DNAH8: variants seen among roughly 807,000 people sequenced by gnomAD.
DNAH8 encodes the protein axonemal beta dynein heavy chain 8.
DNAH8 carries 382 observed loss-of-function variants against 562.1 expected under a neutral mutation model. The ratio of observed to expected loss-of-function variants is 0.68; its 90% CI spans 0.63 to 0.74. DNAH8 has a LOEUF of 0.74. Among genes scored for constraint, DNAH8 ranks in the 30% least tolerant of loss-of-function variants. The pLI is 0.00. For missense variants in DNAH8, 5,203 were observed against 5,620.4 expected, an observed-to-expected ratio of 0.93 and a Z score of 2.37; for synonymous variants, 1,881 against 1,919.4, an observed-to-expected ratio of 0.98 and a Z score of 0.52.
chr6:38,971,641 G>C lies in DNAH8; in HGVS notation c.12501G>C (p.Lys4167Asn). Residue 4167 changes from lysine (K) to asparagine (N), a missense_variant, in exon 83 of 93, where the codon AAG becomes AAC. Transcript: ENST00000327475. ...AAGGACAAGAAGTACATGCTCGAAA[G>C]CTGATTCAGATGTCAATGCAGCAGG... The part of the protein sequence containing the change: ...MGQGQEVHAR[K>N]LIQMSMQQGG... 2 of 1,603,776 alleles carry C rather than the reference G, an allele frequency of 1.2e-6. No homozygotes were observed. Among genetic ancestry groups the C allele is most frequent in the Non-Finnish European group, 1.7e-6 (2 of 1,175,642 alleles).
At chr6:39,025,778 T>C (rs1767234638) in intron 91 of DNAH8, among the ~76,000 whole-genome samples, 1 of 152,252 alleles carries the variant, frequency 6.6e-6, no homozygotes, top group Non-Finnish European at 1.5e-5. Context: ...ATTTTTAATA[T>C]TTACATGGAG....
chr6:38,966,364 G>A lies in DNAH8; in HGVS notation c.12452-5228G>A, dbSNP rs1762970324. ...CATTAATCAAAAAATTCACACAAAA[G>A]GAATCTTAGTCCCAGATGGCTTCAT... is the stretch of plus-strand genomic sequence containing the variant. On this transcript the variant is annotated intron_variant, in intron 82 of 92. Transcript: ENST00000327475. Among the ~76,000 whole-genome samples, 5 of 152,206 alleles carry A rather than the reference G, an allele frequency of 3.3e-5. 2 individuals carry two copies. The South Asian group carries it at 1.0e-3, about 32-fold the overall frequency.
At chr6:38,846,579 C>A (rs951833104) in intron 36 of DNAH8, among the ~76,000 whole-genome samples, 2 of 152,150 alleles carry the variant, frequency 1.3e-5, no homozygotes, top group African/African-American at 4.8e-5. Flanking sequence ...AGCTGCCAGT[C>A]CAGGGAGTTC....
In DNAH8 at chr6:38,775,845, A is replaced by G. The variant is rs754229085; in HGVS notation, c.1856A>G (p.Asn619Ser). The change falls in exon 13 of 93, where the codon AAT (asparagine) becomes AGT (serine). Residue 619 changes from asparagine to serine, a missense_variant. This residue lies in a region of DNAH8 where 2,176 missense variants were observed against 2,365.1 expected (regional missense o/e 0.92). Coordinates refer to ENST00000327475, the MANE Select transcript of DNAH8 (RefSeq NM_001206927.2). Reference sequence around the variant, plus strand: ...GATATTATGGCAATAAAATTCAGAAATATATACCAAGGGGTTAAGAAAAAG... The same window carrying G: ...GATATTATGGCAATAAAATTCAGAAGTATATACCAAGGGGTTAAGAAAAAG... ...GIDIMAIKFR[N>S]IYQGVKKKQY... 1.2e-6 allele frequency: 2 copies of G among 1,607,534 alleles called. No homozygotes were observed. Among genetic ancestry groups the G allele is most frequent in the African/African-American group, 1.3e-5 (1 of 74,884 alleles).
At position 38,756,024 on chromosome 6, in the gene DNAH8, A is replaced by G; in HGVS notation, c.1460A>G (p.His487Arg). 1 of 1,611,532 alleles carries G rather than the reference A, an allele frequency of 6.2e-7. No homozygotes were observed. The highest frequency in any genetic ancestry group is 8.5e-7 in the Non-Finnish European group (1 of 1,178,004). Residue 487 changes from histidine to arginine, a missense_variant, in exon 10 of 93, where the codon CAC (histidine) becomes CGC (arginine). Coordinates refer to ENST00000327475, the MANE Select transcript of DNAH8 (RefSeq NM_001206927.2). ...TTGATTAATGCCATCAGAATGATTC[A>G]CGGTGTGTCAAGGTATTATAATACC... ...QNLINAIRMI[H>R]GVSRYYNTSE...
At chr6:38,872,025 T>TGG (rs769204158) in intron 49 of DNAH8, among the ~76,000 whole-genome samples, 4 of 152,226 alleles carry the variant, frequency 2.6e-5, no homozygotes, top group Non-Finnish European at 5.9e-5. Flanking sequence ...CCTGCTTTCC[T>TGG]CTTCTCTTAC....
chr6:38,917,099 G>A (rs1387390377), intron 68 of DNAH8, 140 bp from the exon 69 acceptor site: 4 of 554,930 alleles, frequency 7.2e-6, no homozygotes, highest in Non-Finnish European at 1.2e-5. Context: ...CAATGAAAGA[G>A]CCACTAAGCA....
intron 86 of DNAH8, 62 bp downstream of exon 86, chr6:38,982,524 T>A: frequency 3.3e-6 from 3 of 901,474 alleles, no homozygotes; most frequent in Non-Finnish European, 5.5e-6. Flanking sequence ...GGTTCTACAG[T>A]CATTTGAAGT....
intron 91 of DNAH8, among the ~76,000 whole-genome samples, chr6:39,018,680 A>G (rs1022602901): frequency 3.9e-5 from 6 of 152,180 alleles, no homozygotes; most frequent in African/African-American, 7.2e-5. Context: ...CTTGTGCACC[A>G]TCCTCCAGGT....
intron 88 of DNAH8, among the ~76,000 whole-genome samples, chr6:39,001,254 T>C (rs1367446822): frequency 6.6e-6 from 1 of 151,962 alleles, no homozygotes; most frequent in African/African-American, 2.4e-5. Context: ...TCTGCTTGCA[T>C]GAGTTGATGG....
chr6:38,895,948 G>A (rs1779647704), intron 59 of DNAH8, 85 bp from the exon 60 acceptor site: 1 of 1,126,106 alleles, frequency 8.9e-7, no homozygotes, highest in Admixed American at 2.0e-5. Context: ...GGTCCAGGGT[G>A]GGGCTGAGAA....
chr6:38,811,693 G>A (rs1771808948), intron 24 of DNAH8, among the ~76,000 whole-genome samples: 1 of 152,020 alleles, frequency 6.6e-6, no homozygotes, highest in Non-Finnish European at 1.5e-5. Flanking sequence ...TTCGTTTTTG[G>A]ATTTCGTTAG....
In DNAH8 at chr6:38,873,038, A is replaced by G; in HGVS notation, c.7370A>G (p.Lys2457Arg). The G allele has an allele frequency of 6.2e-7, 1 of 1,614,150 alleles. No homozygotes were observed. Among genetic ancestry groups the G allele is most frequent in the Non-Finnish European group, 8.5e-7 (1 of 1,180,006 alleles). ...CGCATTCCCATGGCCCCTAGTTGTA[A>G]GCTTCTGTTTGAAGTCCACAATATC... The part of the protein sequence containing the change: ...GDRIPMAPSC[K>R]LLFEVHNIEN... Residue 2457 changes from lysine (K) to arginine (R), a missense_variant, in exon 51 of 93, where the codon AAG becomes AGG. By Grantham distance (26) the Lys-to-Arg change is conservative. Around this residue, in one of 6 missense-constraint regions of DNAH8, gnomAD observed 977 missense variants for 1,061.8 expected, o/e 0.92. Coordinates refer to ENST00000327475, the MANE Select transcript of DNAH8 (RefSeq NM_001206927.2).
chr6:38,715,942 ATATATATATATATATATAT>A (rs1424987361), intron 1 of DNAH8, among the ~76,000 whole-genome samples: 1 of 13,694 alleles, frequency 7.3e-5, no homozygotes, highest in South Asian at 3.3e-3. Flanking sequence ...ATATATATAT[ATATATATATATATATATAT>A]TTTTTTTTTT....
Position 38,931,451 on chromosome 6 carries a change from A to G in DNAH8, c.11275-360A>G, listed in dbSNP as rs189753105. 365 of 153,970 alleles carry G rather than the reference A, an allele frequency of 2.4e-3. 6 individuals are homozygous for G. Among genetic ancestry groups the G allele is most frequent in the Non-Finnish European group, 1.4e-3 (99 of 69,208 alleles). The allele number at this position is 153,970 out of a possible 1,614,324, so 9.5% of individuals were successfully genotyped here. On this transcript the variant is annotated intron_variant, in intron 75 of 92. Coordinates refer to ENST00000327475, the MANE Select transcript of DNAH8 (RefSeq NM_001206927.2). ...AGGAAACAATTTTCTTAACTGGAGA[A>G]AAAATAGCGGCTCCTGTACTACAAA... is the stretch of plus-strand genomic sequence containing the variant.
intron 64 of DNAH8, 28 bp downstream of exon 64, chr6:38,908,148 C>A: frequency 7.2e-7 from 1 of 1,390,308 alleles, no homozygotes; most frequent in Non-Finnish European, 9.6e-7. Flanking sequence ...TTTATATCTA[C>A]GTAGAAAGAG....
intron 80 of DNAH8, among the ~76,000 whole-genome samples, chr6:38,945,798 C>A (rs1233616726): frequency 6.6e-6 from 1 of 152,132 alleles, no homozygotes; most frequent in African/African-American, 2.4e-5. Context: ...CTATGTTTTC[C>A]TCCTGTGTGG....
intron 58 of DNAH8, among the ~76,000 whole-genome samples, chr6:38,891,064 AT>A (rs1259274227): frequency 6.6e-6 from 1 of 152,178 alleles, no homozygotes; most frequent in Non-Finnish European, 1.5e-5. Context: ...GTAAATCTTT[AT>A]TTGTATTATC....
At chr6:39,013,438 C>T (rs1266741611) in intron 91 of DNAH8, among the ~76,000 whole-genome samples, 1 of 152,040 alleles carries the variant, frequency 6.6e-6, no homozygotes, top group East Asian at 1.9e-4. Flanking sequence ...GTAAGGGAAA[C>T]CAAACAGAAA....
Sources: allele counts gnomAD v4.1 joint callset (sites outside exome capture counted in the v4.1 genomes callset), GRCh38; gene constraint gnomAD v4.1.1; regional missense constraint gnomAD v4.1.1; transcripts MANE v1.5; gene names NCBI Gene and HGNC (gene_info 2026-07-23, HGNC 2026-07-21).